GPR39: variants seen among roughly 807,000 people sequenced by gnomAD.
GPR39 encodes G protein-coupled receptor 39.
Under a neutral mutation model 18.4 loss-of-function variants are expected in GPR39, and 23 were observed. The ratio of observed to expected loss-of-function variants is 1.25; its 90% CI spans 0.90 to 1.77. GPR39 has a LOEUF of 1.77. Among genes scored for constraint, GPR39 ranks in the 40% most tolerant of loss-of-function variants. GPR39 has a pLI of 0.00. For synonymous variants in GPR39, 280 were observed against 257.9 expected, an observed-to-expected ratio of 1.09 and a Z score of -0.82; for missense variants, 647 against 602.4, an observed-to-expected ratio of 1.07 and a Z score of -0.78.
chr2:132,475,116 C>T (rs1270395325), intron 1 of GPR39, among the ~76,000 whole-genome samples: 2 of 152,118 alleles, frequency 1.3e-5, no homozygotes, highest in African/African-American at 4.8e-5. Context: ...GGTATCAGGA[C>T]TGGTTCCAGG....
chr2:132,492,589 T>TATATACG (rs1681502512), intron 1 of GPR39, among the ~76,000 whole-genome samples: 2 of 135,846 alleles, frequency 1.5e-5, no homozygotes, highest in African/African-American at 6.0e-5. Flanking sequence ...ATACACACCA[T>TATATACG]ATATATACCA....
At chr2:132,480,372 G>T (rs1289215977) in intron 1 of GPR39, among the ~76,000 whole-genome samples, 1 of 152,076 alleles carries the variant, frequency 6.6e-6, no homozygotes, top group Admixed American at 6.6e-5. Context: ...CTACTGAATT[G>T]TAAACTTAAA....
chr2:132,429,280 G>T (rs1680183413), intron 1 of GPR39, among the ~76,000 whole-genome samples: 1 of 152,208 alleles, frequency 6.6e-6, no homozygotes, highest in African/African-American at 2.4e-5. Context: ...AAAACGCTCT[G>T]TAGTCTCTCA....
intron 1 of GPR39, among the ~76,000 whole-genome samples, chr2:132,583,487 T>G (rs914554022): frequency 2.0e-5 from 3 of 151,898 alleles, no homozygotes; most frequent in African/African-American, 7.3e-5. Flanking sequence ...GTCTTTAGGG[T>G]GCCCTCTGAA....
intron 1 of GPR39, among the ~76,000 whole-genome samples, chr2:132,568,884 C>T (rs1187411124): frequency 6.6e-6 from 1 of 152,072 alleles, no homozygotes; most frequent in African/African-American, 2.4e-5. Flanking sequence ...AGGAGAGCTG[C>T]CAAGAGCCAG....
chr2:132,504,642 C>T lies in GPR39; in HGVS notation c.856+86744C>T, dbSNP rs7558679. 1.0e-3 allele frequency among the ~76,000 whole-genome samples: 153 copies of T among 152,218 alleles called. 1 individual carries two copies. Among genetic ancestry groups the T allele is most frequent in the African/African-American group, 3.2e-3 (133 of 41,548 alleles). On this transcript the variant is annotated intron_variant, in intron 1 of 1. Transcript: ENST00000329321. ...TGACTTATGATTCTCTCACACTTCT[C>T]GATTTTAGCTCCTACTAGTGGCATT...
intron 1 of GPR39, among the ~76,000 whole-genome samples, chr2:132,581,721 T>C (rs1573679724): frequency 6.6e-6 from 1 of 152,016 alleles, no homozygotes; most frequent in Non-Finnish European, 1.5e-5. Context: ...GGTAGAAATA[T>C]AAAGAAACCA....
intron 1 of GPR39, among the ~76,000 whole-genome samples, chr2:132,481,929 A>G (rs904597155): frequency 6.6e-6 from 1 of 152,188 alleles, no homozygotes. Context: ...ATCTAAGTCA[A>G]AGAAGAGTAC....
chr2:132,446,511 A>G (rs1437393664), intron 1 of GPR39, among the ~76,000 whole-genome samples: 23 of 152,226 alleles, frequency 1.5e-4, no homozygotes, highest in Admixed American at 1.4e-3. Flanking sequence ...GTAGGAGAGA[A>G]CAAAGAGGGT....
chr2:132,557,641 T>C (rs1214749305), intron 1 of GPR39, among the ~76,000 whole-genome samples: 1 of 151,918 alleles, frequency 6.6e-6, no homozygotes, highest in African/African-American at 2.4e-5. Flanking sequence ...GGCAAGTAAG[T>C]TTATTAACCT....
chr2:132,457,589 A>G (rs947270636), intron 1 of GPR39, among the ~76,000 whole-genome samples: 1 of 152,234 alleles, frequency 6.6e-6, no homozygotes, highest in African/African-American at 2.4e-5. Flanking sequence ...CACGGGGTTC[A>G]GGGACCCACT....
chr2:132,627,087 AT>A (rs201048742), intron 1 of GPR39, among the ~76,000 whole-genome samples: 20,723 of 148,480 alleles, frequency 0.14, 1,673 homozygotes, highest in Middle Eastern at 0.24. Flanking sequence ...CCAGCAGAAT[AT>A]TTTTTTTTTT....
intron 1 of GPR39, among the ~76,000 whole-genome samples, chr2:132,499,440 T>C (rs1681711677): frequency 6.6e-6 from 1 of 152,170 alleles, no homozygotes; most frequent in Non-Finnish European, 1.5e-5. Flanking sequence ...TTCCATGCTG[T>C]TTTGGTGACT....
intron 1 of GPR39, among the ~76,000 whole-genome samples, chr2:132,624,315 TTTTAC>T (rs1205371089): frequency 6.6e-6 from 1 of 152,170 alleles, no homozygotes; most frequent in East Asian, 1.9e-4. Flanking sequence ...AATGACCCCA[TTTTAC>T]TGTAATTGCC....
intron 1 of GPR39, among the ~76,000 whole-genome samples, chr2:132,514,881 A>C (rs1249958480): frequency 6.6e-6 from 1 of 152,212 alleles, no homozygotes; most frequent in Non-Finnish European, 1.5e-5. Flanking sequence ...TTGTTTTAAC[A>C]ATCTTAATAC....
At chr2:132,439,704 A>G (rs1680399062) in intron 1 of GPR39, among the ~76,000 whole-genome samples, 1 of 152,190 alleles carries the variant, frequency 6.6e-6, no homozygotes, top group African/African-American at 2.4e-5. Flanking sequence ...GGCTCTGAAG[A>G]GAGAAGTGAT....
chr2:132,533,002 C>G (rs1308408389), intron 1 of GPR39, among the ~76,000 whole-genome samples: 2 of 152,036 alleles, frequency 1.3e-5, no homozygotes, highest in East Asian at 1.9e-4. Context: ...CCAGGGCAAT[C>G]AGGCAGGAGA....
At chr2:132,456,106 A>G (rs1448015199) in intron 1 of GPR39, among the ~76,000 whole-genome samples, 1 of 152,060 alleles carries the variant, frequency 6.6e-6, no homozygotes, top group Non-Finnish European at 1.5e-5. Flanking sequence ...ATTGTATGGG[A>G]GTCTAAGTCT....
intron 1 of GPR39, among the ~76,000 whole-genome samples, chr2:132,549,081 T>TG (rs925952418): frequency 1.3e-5 from 2 of 152,214 alleles, no homozygotes; most frequent in Non-Finnish European, 2.9e-5. Context: ...CTCTCCTTAA[T>TG]GGTGTGTCTA....
Sources: gnomAD v4.1 joint callset for allele counts (sites outside exome capture counted in the v4.1 genomes callset) on GRCh38, gnomAD v4.1.1 for gene constraint, MANE v1.5 for transcripts, NCBI Gene and HGNC (gene_info 2026-07-23, HGNC 2026-07-21) for gene names.